ZNF584: variants seen among roughly 807,000 people sequenced by gnomAD.
ZNF584 encodes zinc finger protein 584.
ZNF584 carries 12 observed loss-of-function variants against 14.7 expected under a neutral mutation model. The observed-to-expected ratio is 0.82, with a 90% CI of 0.52 to 1.32. The LOEUF is 1.32. Ranked by LOEUF, ZNF584 falls within the 40% of genes most tolerant of loss-of-function variation. The pLI is 0.00. For synonymous variants in ZNF584, 204 were observed against 190.9 expected, an observed-to-expected ratio of 1.07 and a Z score of -0.57; for missense variants, 478 against 518.8, an observed-to-expected ratio of 0.92 and a Z score of 0.76.
intron 1 of ZNF584, 50 bp from the exon 2 acceptor site, chr19:58,409,891 C>T (rs1464607685): frequency 1.2e-6 from 2 of 1,611,414 alleles, no homozygotes; most frequent in Non-Finnish European, 1.7e-6. Flanking sequence ...CTGAATGTGT[C>T]CATCTGTCCA....
chr19:58,413,468 C>T (rs1202758050), intron 2 of ZNF584, among the ~76,000 whole-genome samples: 1 of 151,970 alleles, frequency 6.6e-6, no homozygotes, highest in East Asian at 1.9e-4. Flanking sequence ...GCCTCAGCCT[C>T]CCAAGTCGCT....
chr19:58,416,998 A>G lies in ZNF584; in HGVS notation c.480A>G (p.Lys160=). The G allele has an allele frequency of 6.2e-7, 1 of 1,611,138 alleles. No individual in the cohort carries two copies. Among genetic ancestry groups the G allele is most frequent in the Non-Finnish European group, 8.5e-7 (1 of 1,178,358 alleles). The change falls in exon 4 of 4, where the codon AAA becomes AAG. Residue 160 remains lysine (K), a synonymous_variant. Transcript: ENST00000306910. ...TCCATGTGGCAGAGAAGCTGTTCAA[A>G]TGCAGTGACTGTGGGAAGGTGTTCT... ...QEVHVAEKLF[K]CSDCGKVFLK... is the part of the protein sequence containing the mutation.
chr19:58,412,705 G>C (rs969578022), intron 2 of ZNF584, among the ~76,000 whole-genome samples: 2 of 152,224 alleles, frequency 1.3e-5, no homozygotes, highest in Non-Finnish European at 2.9e-5. Context: ...TTTTCTGGAA[G>C]AGTTTCTTAA....
chr19:58,410,685 GTA>G (rs1319793666), intron 2 of ZNF584, among the ~76,000 whole-genome samples: 1 of 26,738 alleles, frequency 3.7e-5, no homozygotes, highest in South Asian at 8.7e-4. Flanking sequence ...GTATATATAT[GTA>G]TATATGTATA....
intron 1 of ZNF584, among the ~76,000 whole-genome samples, 193 bp from the exon 2 acceptor site, chr19:58,409,748 A>G (rs1291909050): frequency 6.6e-6 from 1 of 152,122 alleles, no homozygotes; most frequent in African/African-American, 2.4e-5. Flanking sequence ...AGCAGCTCTG[A>G]TATTCCTCTG....
At position 58,410,573 on chromosome 19, in the gene ZNF584, G is replaced by GTATATATATATATATATGTGTA. The variant is rs1207335393; in HGVS notation, c.169+491_169+492insATATATATGTGTATATATATAT. The stretch of plus-strand genomic sequence containing the variant: ...TATATATATATGTGTATATATATAT[G>GTATATATATATATATATGTGTA]TATATATATGTATATATATGTATAT... On this transcript the variant is annotated intron_variant, in intron 2 of 3. Transcript: ENST00000306910. 2.6e-3 allele frequency among the ~76,000 whole-genome samples: 17 copies of GTATATATATATATATATGTGTA among 6,442 alleles called. 2 individuals are homozygous for GTATATATATATATATATGTGTA. Among genetic ancestry groups the GTATATATATATATATATGTGTA allele is most frequent in the East Asian group, 8.4e-3 (6 of 718 alleles). The allele number at this position is 6,442 out of a possible 152,430, so 4.2% of individuals were successfully genotyped here. A position where few individuals can be genotyped will look rare whatever the true frequency, so the allele number is the denominator to read the frequency against.
upstream of ZNF584, chr19:58,407,064 C>T (rs770552806): frequency 6.6e-6 from 1 of 152,498 alleles, no homozygotes; most frequent in East Asian, 1.9e-4. Flanking sequence ...AGTGGAGGCA[C>T]CAAGACCTGC....
At chr19:58,410,448 C>T (rs1469260677) in intron 2 of ZNF584, among the ~76,000 whole-genome samples, 1 of 147,278 alleles carries the variant, frequency 6.8e-6, no homozygotes, top group Admixed American at 7.0e-5. Context: ...TGCCTCCCTA[C>T]AAAAGAAATT....
intron 1 of ZNF584, among the ~76,000 whole-genome samples, chr19:58,402,707 A>G (rs2052439204): frequency 6.6e-6 from 1 of 151,702 alleles, no homozygotes; most frequent in Admixed American, 6.6e-5. Flanking sequence ...CTGTTATCCC[A>G]GCTCCTCGGG....
At chr19:58,416,133 T>G in intron 3 of ZNF584, 2 of 584,286 alleles carry the variant, frequency 3.4e-6, no homozygotes, top group Non-Finnish European at 5.9e-6. Flanking sequence ...TATCCTATCT[T>G]GTGCCCTCAT....
chr19:58,412,781 TTG>T (rs1208561604), intron 2 of ZNF584, among the ~76,000 whole-genome samples: 4 of 152,172 alleles, frequency 2.6e-5, no homozygotes, highest in Non-Finnish European at 5.9e-5. Context: ...GGGCTTGGGG[TTG>T]TGTGTGTTTT....
chr19:58,414,208 T>G (rs1008473277), intron 2 of ZNF584, among the ~76,000 whole-genome samples: 1 of 152,210 alleles, frequency 6.6e-6, no homozygotes, highest in African/African-American at 2.4e-5. Context: ...GAATGTTTTG[T>G]TTAAATTCCT....
chr19:58,413,578 C>T (rs1489968176), intron 2 of ZNF584, among the ~76,000 whole-genome samples: 1 of 150,674 alleles, frequency 6.6e-6, no homozygotes, highest in Admixed American at 6.6e-5. Flanking sequence ...GCGATCTTGG[C>T]TCACTGCAAC....
chr19:58,415,831 CCTGCCTCT>C, intron 3 of ZNF584, 185 bp downstream of exon 3: 1 of 1,602,206 alleles, frequency 6.2e-7, no homozygotes, highest in Non-Finnish European at 8.5e-7. Context: ...CCCGCATGTT[CCTGCCTCT>C]CTGGCCTGCG....
intron 2 of ZNF584, among the ~76,000 whole-genome samples, chr19:58,414,483 C>T (rs1049668806): frequency 5.9e-5 from 9 of 151,338 alleles, no homozygotes; most frequent in Non-Finnish European, 1.0e-4. Flanking sequence ...GGACTACAGG[C>T]GCCTGCCACC....
chr19:58,404,932 T>A (rs2052455410), upstream of ZNF584: 1 of 139,444 alleles, frequency 7.2e-6, no homozygotes, highest in Admixed American at 7.5e-5. Flanking sequence ...CACTTCCCAG[T>A]AGGGGCGGCC....
At chr19:58,412,857 T>C (rs1384142849) in intron 2 of ZNF584, among the ~76,000 whole-genome samples, 1 of 152,250 alleles carries the variant, frequency 6.6e-6, no homozygotes, top group Non-Finnish European at 1.5e-5. Flanking sequence ...TTAGATTTTC[T>C]GTTTCTTCTT....
rs980671139 is a variant in ZNF584 at position 58,416,713 on chromosome 19, T to A, written c.293-98T>A. ...CACCACGCCTGGCCCTTTCAGCAGT[T>A]CTATGGAGTCCTTCTGGGTGTGTCT... On this transcript the variant is annotated intron_variant, in intron 3 of 3. Coordinates refer to ENST00000306910, the MANE Select transcript of ZNF584 (RefSeq NM_173548.3). The A allele has an allele frequency of 2.7e-6, 4 of 1,458,726 alleles. No homozygotes were observed. The African/African-American group carries it at 4.2e-5, about 15-fold the overall frequency. 90.4% of individuals were successfully genotyped at this position (1,458,726 alleles called of 1,614,324 possible).
intron 2 of ZNF584, among the ~76,000 whole-genome samples, chr19:58,410,599 A>ATGTGTG (rs2052545427): frequency 2.5e-5 from 1 of 40,782 alleles, no homozygotes; most frequent in African/African-American, 2.4e-4. Context: ...ATATGTATAT[A>ATGTGTG]TATGTATATA....
Sources: allele counts gnomAD v4.1 joint callset (sites outside exome capture counted in the v4.1 genomes callset), GRCh38; gene constraint gnomAD v4.1.1; transcripts MANE v1.5; gene names NCBI Gene and HGNC (gene_info 2026-07-23, HGNC 2026-07-21).